SYT2: variants seen among roughly 807,000 people sequenced by gnomAD.
SYT2 encodes the protein synaptotagmin 2, also known as synaptotagmin-2.
Under a neutral mutation model 39.9 loss-of-function variants are expected in SYT2, and 15 were observed. The observed-to-expected ratio is 0.38, with a 90% CI of 0.25 to 0.58. The LOEUF is 0.58. Ranked by LOEUF, SYT2 falls within the 20% of genes least tolerant of loss-of-function variation. SYT2 has a pLI of 0.70. For missense variants in SYT2, 389 were observed against 530.3 expected (o/e 0.73, Z 2.62); for synonymous variants, 181 against 204.5 (o/e 0.89, Z 0.98).
rs147106297 is a variant in SYT2, at chr1:202,625,311, GGTGT to G, written c.-17-19526_-17-19523del. ...TTTGTGGTGTGTGCTGTGTCTGTGT[GGTGT>G]GTGTGTGGTGTGTGTGGCATGTAGT... On this transcript the variant is annotated intron_variant, in intron 1 of 8. Transcript: ENST00000367268. Among the ~76,000 whole-genome samples, 9 of 73,136 alleles carry G rather than the reference GGTGT, an allele frequency of 1.2e-4. 1 individual carries two copies. Among genetic ancestry groups the G allele is most frequent in the African/African-American group, 3.6e-4 (5 of 13,758 alleles). 48.0% of individuals were successfully genotyped at this position (73,136 alleles called of 152,430 possible).
intron 1 of SYT2, among the ~76,000 whole-genome samples, chr1:202,687,043 G>A (rs1405644181): frequency 6.6e-6 from 1 of 152,104 alleles, no homozygotes; most frequent in Non-Finnish European, 1.5e-5. Context: ...CAAATGACCT[G>A]TTGACGTGCT....
At chr1:202,704,586 G>T (rs1468156229) in intron 1 of SYT2, among the ~76,000 whole-genome samples, 1 of 151,892 alleles carries the variant, frequency 6.6e-6, no homozygotes, top group Non-Finnish European at 1.5e-5. Flanking sequence ...GAGAGAAGCA[G>T]TCACACACCC....
At chr1:202,671,111 C>T (rs543675310) in intron 1 of SYT2, among the ~76,000 whole-genome samples, 13 of 152,250 alleles carry the variant, frequency 8.5e-5, no homozygotes, top group African/African-American at 1.2e-4. Flanking sequence ...CTCCCATCTG[C>T]ACCAGCCTTC....
At chr1:202,631,237 GCAGGGAGTTC>G (rs1691581100) in intron 1 of SYT2, among the ~76,000 whole-genome samples, 1 of 152,160 alleles carries the variant, frequency 6.6e-6, no homozygotes, top group Non-Finnish European at 1.5e-5. Context: ...CTCTGGAACC[GCAGGGAGTTC>G]CAGTTCACCC....
intron 1 of SYT2, among the ~76,000 whole-genome samples, chr1:202,689,476 G>C (rs1268401546): frequency 1.3e-5 from 2 of 152,186 alleles, no homozygotes; most frequent in African/African-American, 4.8e-5. Context: ...ATGGAGTGGG[G>C]AGAAGAGACC....
chr1:202,662,890 A>T (rs539557181), intron 1 of SYT2, among the ~76,000 whole-genome samples: 37 of 152,350 alleles, frequency 2.4e-4, no homozygotes, highest in African/African-American at 8.9e-4. Flanking sequence ...CCAGGCACAT[A>T]GTAAATTGTC....
chr1:202,599,812 G>A lies in SYT2; in HGVS notation c.920-461C>T, dbSNP rs571806449. Among the ~76,000 whole-genome samples the A allele has an allele frequency of 7.9e-4, 121 of 152,324 alleles. No homozygotes were observed. Among genetic ancestry groups the A allele is most frequent in the African/African-American group, 2.7e-3 (114 of 41,574 alleles). On this transcript the variant is annotated intron_variant, in intron 7 of 8. Coordinates refer to ENST00000367268, the MANE Select transcript of SYT2 (RefSeq NM_177402.5). This position sits in a 1 kb window ranked among gnomAD's most constrained non-coding sequence, Gnocchi z 4.4. ...GACAGAGCCAGGCTGGCACTGAAAC[G>A]CGCTGGTTGGAGCCCATGCCCAGGG...
At chr1:202,648,562 T>C (rs1011682714) in intron 1 of SYT2, among the ~76,000 whole-genome samples, 7 of 152,192 alleles carry the variant, frequency 4.6e-5, no homozygotes, top group African/African-American at 1.4e-4. Context: ...ACAGTTTATA[T>C]ATGTTGCGTG....
chr1:202,705,684 T>G (rs577762657), intron 1 of SYT2, among the ~76,000 whole-genome samples: 1 of 151,916 alleles, frequency 6.6e-6, no homozygotes, highest in Admixed American at 6.6e-5. Context: ...GGAGGAAGCT[T>G]CTACAATATC....
intron 1 of SYT2, among the ~76,000 whole-genome samples, chr1:202,645,595 C>T (rs918187680): frequency 5.9e-5 from 9 of 152,292 alleles, no homozygotes; most frequent in South Asian, 2.1e-4. Flanking sequence ...GACCAAGAGA[C>T]GCCTGAGCCT....
chr1:202,666,178 A>G (rs1052914582), intron 1 of SYT2, among the ~76,000 whole-genome samples: 2 of 151,978 alleles, frequency 1.3e-5, no homozygotes, highest in African/African-American at 4.8e-5. Context: ...AAAAGCTAAA[A>G]TAAGATAGTT....
intron 1 of SYT2, among the ~76,000 whole-genome samples, chr1:202,683,495 T>C (rs1339273422): frequency 1.3e-5 from 2 of 152,138 alleles, no homozygotes; most frequent in Non-Finnish European, 2.9e-5. Context: ...CCCAGCATTT[T>C]GGGGAGGTGG....
At chr1:202,638,364 G>A (rs1245876465) in intron 1 of SYT2, among the ~76,000 whole-genome samples, 2 of 152,058 alleles carry the variant, frequency 1.3e-5, no homozygotes, top group Admixed American at 1.3e-4. Flanking sequence ...AGCCTCTCTT[G>A]ACCTGCCAAG....
At chr1:202,641,560 T>C (rs141571072) in intron 1 of SYT2, among the ~76,000 whole-genome samples, 17 of 152,358 alleles carry the variant, frequency 1.1e-4, no homozygotes, top group Non-Finnish European at 1.9e-4. Flanking sequence ...TAAGAAGTTA[T>C]TGTCTCATCT....
At position 202,630,336 on chromosome 1, in the gene SYT2, G is replaced by T. The variant is rs12074979; in HGVS notation, c.-17-24547C>A. ...GTGCTGGAGGACACATGGGGAGAGGGAACACAGACCCCAATAGAGCGCCGT... is the reference window on the plus strand; with the variant it reads ...GTGCTGGAGGACACATGGGGAGAGGTAACACAGACCCCAATAGAGCGCCGT... On this transcript the variant is annotated intron_variant, in intron 1 of 8. Transcript: ENST00000367268. 1.1e-5 allele frequency: 11 copies of T among 982,498 alleles called. No homozygotes were observed. In the African/African-American group the frequency reaches 1.9e-4, roughly 17 times the overall value. 60.9% of individuals were successfully genotyped at this position (982,498 alleles called of 1,614,324 possible).
chr1:202,673,428 CA>C (rs1653227996), intron 1 of SYT2, among the ~76,000 whole-genome samples: 1 of 152,116 alleles, frequency 6.6e-6, no homozygotes, highest in African/African-American at 2.4e-5. Context: ...CCAAACAAAC[CA>C]AAAATGTATC....
At chr1:202,659,829 G>A (rs1016838996) in intron 1 of SYT2, among the ~76,000 whole-genome samples, 4 of 152,238 alleles carry the variant, frequency 2.6e-5, no homozygotes, top group South Asian at 4.2e-4. Context: ...CCCATCTGTC[G>A]AGCAGGTGAC....
At chr1:202,706,806 C>T (rs191148612) in intron 1 of SYT2, among the ~76,000 whole-genome samples, 12 of 152,256 alleles carry the variant, frequency 7.9e-5, no homozygotes, top group Non-Finnish European at 1.2e-4. Context: ...GGATTATTCA[C>T]GTAGGGAATT....
Position 202,596,529 on chromosome 1 carries a change from G to A in SYT2, c.*228C>T. The A allele has an allele frequency of 2.0e-6, 1 of 503,426 alleles. No individual in the cohort carries two copies. The highest frequency in any genetic ancestry group is 3.5e-6 in the Non-Finnish European group (1 of 283,298). The allele number at this position is 503,426 out of a possible 1,614,324, so 31.2% of individuals were successfully genotyped here. On this transcript the variant is annotated 3_prime_UTR_variant, in exon 9 of 9. Transcript: ENST00000367268. ...AGGGCATGCAGCAAGGACAGCTCCT[G>A]GGACCGTGAACAGAGCCAGGCTTCT...
Sources: gnomAD v4.1 joint callset for allele counts (sites outside exome capture counted in the v4.1 genomes callset) on GRCh38, gnomAD v4.1.1 for gene constraint, Gnocchi (gnomAD v3.1) non-coding constraint, MANE v1.5 for transcripts, NCBI Gene and HGNC (gene_info 2026-07-23, HGNC 2026-07-21) for gene names.